The following CLTCL1 variants were observed in gnomAD, a reference collection of about 807,000 sequenced individuals.
CLTCL1 encodes clathrin heavy chain 2.
CLTCL1 carries 159 observed loss-of-function variants against 190.0 expected under a neutral mutation model. The ratio of observed to expected loss-of-function variants is 0.84; its 90% CI spans 0.74 to 0.95. The LOEUF (loss-of-function observed/expected upper bound fraction) is 0.95, where lower values mean the gene tolerates loss of function less well. Among genes scored for constraint, CLTCL1 ranks in the 40% least tolerant of loss-of-function variants. CLTCL1 has a pLI of 0.00. For synonymous variants in CLTCL1, 752 were observed against 769.6 expected, an observed-to-expected ratio of 0.98 and a Z score of 0.38; for missense variants, 1,878 against 2,033.4, an observed-to-expected ratio of 0.92 and a Z score of 1.47.
intron 2 of CLTCL1, chr22:19,258,947 A>G: frequency 2.8e-6 from 1 of 358,412 alleles, no homozygotes; most frequent in Non-Finnish European, 5.1e-6. Flanking sequence ...TCTTGCAATG[A>G]TTTTTTTGGA....
intron 22 of CLTCL1, among the ~76,000 whole-genome samples, chr22:19,204,991 T>C (rs2085006303): frequency 6.6e-6 from 1 of 152,188 alleles, no homozygotes; most frequent in African/African-American, 2.4e-5. Context: ...AGAACCCTGT[T>C]ACTAACCCAG....
At chr22:19,261,389 C>T (rs1314262249) in intron 2 of CLTCL1, among the ~76,000 whole-genome samples, 39 of 152,130 alleles carry the variant, frequency 2.6e-4, no homozygotes, top group African/African-American at 8.9e-4. Flanking sequence ...GGATTACAGG[C>T]GGAAGCCACC....
chr22:19,280,869 T>C (rs1555986207), intron 1 of CLTCL1, among the ~76,000 whole-genome samples: 2 of 149,012 alleles, frequency 1.3e-5, no homozygotes, highest in African/African-American at 2.5e-5. Context: ...AAATATTGTA[T>C]GATTCCATTT....
chr22:19,207,168 C>T (rs2085077229), intron 22 of CLTCL1, among the ~76,000 whole-genome samples: 1 of 152,080 alleles, frequency 6.6e-6, no homozygotes, highest in African/African-American at 2.4e-5. Context: ...AGGCGTGTGC[C>T]ACCAGGCCTG....
intron 3 of CLTCL1, among the ~76,000 whole-genome samples, chr22:19,247,496 A>T (rs192415225): frequency 3.3e-5 from 5 of 152,160 alleles, no homozygotes; most frequent in Admixed American, 3.3e-4. Context: ...AAACATGATG[A>T]TTTCTTTGTA....
At chr22:19,227,699 C>T (rs1398516373) in intron 11 of CLTCL1, among the ~76,000 whole-genome samples, 2 of 152,050 alleles carry the variant, frequency 1.3e-5, no homozygotes, top group South Asian at 2.1e-4. Flanking sequence ...GTGATCCACC[C>T]GCCTTGGCCT....
rs1339576581 is a variant in CLTCL1 at position 19,245,339 on chromosome 22, G to A, written c.520-2403C>T. On this transcript the variant is annotated intron_variant, in intron 3 of 32. Transcript: ENST00000427926. ...CTCCTGGGTAACTGGGACCACAGGC[G>A]CGTGCAAGCATGCCTGGCTAATTTT... Among the ~76,000 whole-genome samples the A allele has an allele frequency of 5.3e-5, 8 of 151,892 alleles. 1 individual carries two copies. In the South Asian group the frequency reaches 8.4e-4, roughly 16 times the overall value.
chr22:19,254,015 G>T lies in CLTCL1; in HGVS notation c.463C>A (p.His155Asn). 1 of 1,612,956 alleles carries T rather than the reference G, an allele frequency of 6.2e-7. No homozygotes were observed. Among genetic ancestry groups the T allele is most frequent in the Non-Finnish European group, 8.5e-7 (1 of 1,179,414 alleles). Residue 155 changes from histidine (H) to asparagine (N), a missense_variant, in exon 3 of 33, where the codon CAC becomes AAC. His to Asn is a moderately conservative substitution (Grantham distance 68). Transcript: ENST00000427926. ...HTSLVGCQVI[H>N]YRTDEYQKWL... Reference sequence around the variant, plus strand: ...TTCTGGTACTCATCAGTCCGGTAGTGAATCACCTGGCAGCCCACCAGACTG... The same window carrying T: ...TTCTGGTACTCATCAGTCCGGTAGTTAATCACCTGGCAGCCCACCAGACTG...
intron 10 of CLTCL1, among the ~76,000 whole-genome samples, chr22:19,231,416 G>A (rs1478253200): frequency 5.3e-5 from 8 of 152,080 alleles, no homozygotes; most frequent in Admixed American, 5.2e-4. Context: ...TTGTAGAGAT[G>A]GGGGTCTCAC....
chr22:19,218,757 G>A (rs1006487021), intron 18 of CLTCL1, among the ~76,000 whole-genome samples: 1 of 152,340 alleles, frequency 6.6e-6, no homozygotes, highest in South Asian at 2.1e-4. Context: ...AACTGGAGAG[G>A]AGGCTCTTCC....
At chr22:19,209,511 C>T (rs1288124717) in intron 20 of CLTCL1, among the ~76,000 whole-genome samples, 3 of 152,174 alleles carry the variant, frequency 2.0e-5, no homozygotes, top group Non-Finnish European at 4.4e-5. Context: ...AACAGGCTTG[C>T]TGAGCAGTCT....
intron 29 of CLTCL1, 73 bp downstream of exon 29, chr22:19,187,485 G>T: frequency 6.7e-7 from 1 of 1,491,762 alleles, no homozygotes. Context: ...AGAGGGAAGG[G>T]ATGTGACCCC....
chr22:19,207,775 TGAACAGCACACGC>T, intron 22 of CLTCL1: 1 of 562,178 alleles, frequency 1.8e-6, no homozygotes, highest in East Asian at 2.8e-5. Context: ...AACCCTATTG[TGAACAGCACACGC>T]GAGGATCTGT....
At chr22:19,247,577 T>C (rs2086458183) in intron 3 of CLTCL1, among the ~76,000 whole-genome samples, 1 of 152,168 alleles carries the variant, frequency 6.6e-6, no homozygotes, top group Non-Finnish European at 1.5e-5. Context: ...GTTTTGTTTT[T>C]GAGGCAGAGT....
rs1555926651 is a variant in CLTCL1 at position 19,183,374 on chromosome 22, C to T, written c.4827+16G>A. 2 of 1,606,746 alleles carry T rather than the reference C, an allele frequency of 1.2e-6. No individual in the cohort carries two copies. Among genetic ancestry groups the T allele is most frequent in the South Asian group, 2.2e-5 (2 of 90,564 alleles). ...CCACACAGGGGCCGGGGAGCTGCAG[C>T]CGGCCCGGCACCTACCTTGCTCAGG... is the stretch of plus-strand genomic sequence containing the variant. On this transcript the variant is annotated intron_variant, in intron 30 of 32. Transcript: ENST00000427926.
chr22:19,257,906 T>A (rs782759591), intron 2 of CLTCL1: 2 of 1,303,316 alleles, frequency 1.5e-6, no homozygotes, highest in Middle Eastern at 2.1e-4. Flanking sequence ...ACTGGGCCAT[T>A]ACTTCAAGAC....
rs2085590669 is a variant in CLTCL1 at position 19,222,077 on chromosome 22, G to A, written c.2435C>T (p.Thr812Ile). 6.2e-7 allele frequency: 1 copy of A among 1,613,866 alleles called. No individual in the cohort carries two copies. The highest frequency in any genetic ancestry group is 1.1e-5 in the South Asian group (1 of 91,080). The change falls in exon 16 of 33, where the codon ACC becomes ATC. Residue 812 changes from threonine to isoleucine, a missense_variant. Coordinates refer to ENST00000427926, the MANE Select transcript of CLTCL1 (RefSeq NM_007098.4). ...IYVQKVNPSRTPAVIGGLLDV... is the reference protein window; with the variant it reads ...IYVQKVNPSRIPAVIGGLLDV... ...AAGCAGCCCTCCAATCACAGCTGGG[G>A]TCCGGCTAGGGTTGACCTAGGGTAG...
At chr22:19,193,982 C>G (rs976872521) in intron 26 of CLTCL1, among the ~76,000 whole-genome samples, 4 of 152,204 alleles carry the variant, frequency 2.6e-5, no homozygotes, top group African/African-American at 4.8e-5. Flanking sequence ...ACTGCTGGCT[C>G]GCATGGCCAG....
At position 19,198,057 on chromosome 22, in the gene CLTCL1, T is replaced by A. The variant is rs1555936850; in HGVS notation, c.3874-1401A>T. Among the ~76,000 whole-genome samples the A allele has an allele frequency of 2.0e-5, 3 of 152,192 alleles. No individual in the cohort carries two copies. The highest frequency in any genetic ancestry group is 4.4e-5 in the Non-Finnish European group (3 of 68,030). On this transcript the variant is annotated intron_variant, in intron 24 of 32. Coordinates refer to ENST00000427926, the MANE Select transcript of CLTCL1 (RefSeq NM_007098.4). The surrounding 1 kb of genome is among the most constrained non-coding windows in gnomAD (Gnocchi z 4.1). ...GCGGGCAGCTCAAGACTTAGCACCA[T>A]GTGTCCAAAAAGTAATTCTTGTCCT...
Sources: gnomAD v4.1 joint callset for allele counts (sites outside exome capture counted in the v4.1 genomes callset) on GRCh38, gnomAD v4.1.1 for gene constraint, Gnocchi (gnomAD v3.1) non-coding constraint, MANE v1.5 for transcripts, NCBI Gene and HGNC (gene_info 2026-07-23, HGNC 2026-07-21) for gene names.